LY96: variants seen among roughly 807,000 people sequenced by gnomAD.
LY96 encodes the protein myeloid differentiation protein-2.
In LY96, 18 loss-of-function variants were observed where a neutral mutation model predicts 18.9. The observed-to-expected ratio is 0.95, with a 90% confidence interval of 0.66 to 1.41. LY96 has a LOEUF of 1.41. Ranked by LOEUF, LY96 falls within the 40% of genes most tolerant of loss-of-function variation. The probability of loss-of-function intolerance (pLI) is 0.00; values close to 1 mark genes in which losing one functional copy is unlikely to be tolerated. For synonymous variants in LY96, 66 were observed against 62.6 expected, an observed-to-expected ratio of 1.06 and a Z score of -0.26; for missense variants, 175 against 182.4, an observed-to-expected ratio of 0.96 and a Z score of 0.23.
intron 3 of LY96, 76 bp from the exon 4 acceptor site, chr8:74,026,713 A>G: frequency 1.3e-6 from 1 of 784,898 alleles, no homozygotes; most frequent in African/African-American, 1.7e-5. Context: ...TAGTTAAGGT[A>G]TACTCCATGC....
chr8:73,995,845 A>G (rs897569127), intron 1 of LY96, among the ~76,000 whole-genome samples: 4 of 152,224 alleles, frequency 2.6e-5, no homozygotes, highest in Non-Finnish European at 5.9e-5. Flanking sequence ...AGATAAGTGA[A>G]TTAACAACAA....
At chr8:74,089,518 C>T in the LY96 span, among the ~76,000 whole-genome samples, 69 of 152,258 alleles carry the variant, frequency 4.5e-4, 1 homozygote, top group Non-Finnish European at 8.4e-4. Flanking sequence ...TCCTTCACTG[C>T]CCTCGGGAAC....
chr8:74,031,494 C>T (rs142441746), downstream of LY96, among the ~76,000 whole-genome samples: 1,107 of 151,876 alleles, frequency 7.3e-3, 9 homozygotes, highest in Middle Eastern at 0.02. Context: ...GGTGTGGTGG[C>T]GGGCACCTGT....
At chr8:74,003,535 G>A (rs115211571) in intron 1 of LY96, among the ~76,000 whole-genome samples, 1,814 of 152,286 alleles carry the variant, frequency 0.012, 38 homozygotes, top group African/African-American at 0.042. Flanking sequence ...GTGCCCAGAC[G>A]GCTGTAGTTC....
At chr8:74,036,061 C>T in the LY96 span, among the ~76,000 whole-genome samples, 4 of 152,280 alleles carry the variant, frequency 2.6e-5, no homozygotes, top group South Asian at 4.1e-4. Flanking sequence ...AATTGAGACT[C>T]GTCTCAGGGA....
the LY96 span, among the ~76,000 whole-genome samples, chr8:74,047,352 G>T: frequency 3.9e-4 from 59 of 152,320 alleles, no homozygotes; most frequent in African/African-American, 1.4e-3. Flanking sequence ...AGCCAAGAAG[G>T]TGTGGTGGAG....
chr8:74,032,390 C>T (rs758429618), downstream of LY96, among the ~76,000 whole-genome samples: 2 of 152,240 alleles, frequency 1.3e-5, no homozygotes, highest in Non-Finnish European at 2.9e-5. Flanking sequence ...GCGCCCTGGG[C>T]CTGGTAAAGA....
At chr8:74,071,731 T>C in the LY96 span, among the ~76,000 whole-genome samples, 941 of 152,348 alleles carry the variant, frequency 6.2e-3, 40 homozygotes, top group Admixed American at 0.053. Flanking sequence ...CTAAGAACTA[T>C]ATTGCTCACC....
intron 3 of LY96, among the ~76,000 whole-genome samples, chr8:74,015,703 C>T (rs577563142): frequency 1.5e-4 from 23 of 152,282 alleles, no homozygotes; most frequent in African/African-American, 5.3e-4. Context: ...GCTCAGATCC[C>T]GCCCCCTGCA....
the LY96 span, among the ~76,000 whole-genome samples, chr8:74,088,624 C>T: frequency 3.9e-5 from 6 of 152,150 alleles, no homozygotes; most frequent in Non-Finnish European, 5.9e-5. Context: ...CTCACTCTGT[C>T]GTTCAGGCTG....
the LY96 span, among the ~76,000 whole-genome samples, chr8:74,091,015 A>C: frequency 6.6e-6 from 1 of 152,154 alleles, no homozygotes; most frequent in Non-Finnish European, 1.5e-5. Flanking sequence ...ATATATGTCT[A>C]TTTTGGCTGC....
At chr8:74,052,876 A>G in the LY96 span, among the ~76,000 whole-genome samples, 1 of 152,366 alleles carries the variant, frequency 6.6e-6, no homozygotes, top group East Asian at 1.9e-4. Context: ...CGCAGAGTTT[A>G]CATTTACCAT....
chr8:74,014,330 G>A (rs1053610175), intron 3 of LY96, among the ~76,000 whole-genome samples: 5 of 148,480 alleles, frequency 3.4e-5, no homozygotes, highest in Non-Finnish European at 7.4e-5. Flanking sequence ...AGGATCACTT[G>A]CACCCAGGAG....
chr8:73,992,287 C>T (rs556713180), intron 1 of LY96, among the ~76,000 whole-genome samples: 23 of 152,182 alleles, frequency 1.5e-4, no homozygotes, highest in Admixed American at 1.2e-3. Flanking sequence ...TGTTTTGGTT[C>T]GGTACTTTCC....
At chr8:74,046,121 A>G in the LY96 span, among the ~76,000 whole-genome samples, 89 of 152,296 alleles carry the variant, frequency 5.8e-4, no homozygotes, top group African/African-American at 2.0e-3. Context: ...TCTACTAAAA[A>G]TACAAAAATT....
At chr8:73,992,724 C>A (rs1816030714) in intron 1 of LY96, among the ~76,000 whole-genome samples, 1 of 152,140 alleles carries the variant, frequency 6.6e-6, no homozygotes, top group Non-Finnish European at 1.5e-5. Context: ...TAAAATCTCT[C>A]CATGCTGCAA....
chr8:74,068,468 G>A, the LY96 span, among the ~76,000 whole-genome samples: 2 of 152,140 alleles, frequency 1.3e-5, no homozygotes, highest in African/African-American at 4.8e-5. Flanking sequence ...AATAATTTCT[G>A]AGTAAATACC....
chr8:74,018,167 C>T (rs182962648), intron 3 of LY96, among the ~76,000 whole-genome samples: 1 of 151,614 alleles, frequency 6.6e-6, no homozygotes, highest in African/African-American at 2.4e-5. Context: ...ATCTCACATG[C>T]AGAGACACAC....
chr8:74,078,825 A>G, the LY96 span, among the ~76,000 whole-genome samples: 3 of 152,210 alleles, frequency 2.0e-5, no homozygotes, highest in Non-Finnish European at 4.4e-5. Context: ...AAAATTAGAG[A>G]ACAATACTAT....
Sources: allele counts gnomAD v4.1 joint callset (sites outside exome capture counted in the v4.1 genomes callset), GRCh38; gene constraint gnomAD v4.1.1; transcripts MANE v1.5; gene names NCBI Gene and HGNC (gene_info 2026-07-23, HGNC 2026-07-21).